AKR1B15: variants seen among roughly 807,000 people sequenced by gnomAD.
AKR1B15 encodes estradiol 17-beta-dehydrogenase AKR1B15.
Under a neutral mutation model 38.5 loss-of-function variants are expected in AKR1B15, and 49 were observed. The ratio of observed to expected loss-of-function variants is 1.27; its 90% CI spans 1.01 to 1.62. The LOEUF is 1.62. Ranked by LOEUF, AKR1B15 falls within the 40% of genes most tolerant of loss-of-function variation. The probability of loss-of-function intolerance (pLI) is 0.00; values close to 1 mark genes in which losing one functional copy is unlikely to be tolerated. For missense variants in AKR1B15, 411 were observed against 381.6 expected (o/e 1.08, Z -0.64); for synonymous variants, 137 against 135.5 (o/e 1.01, Z -0.08).
intron 1 of AKR1B15, among the ~76,000 whole-genome samples, chr7:134,553,778 A>C (rs1794084889): frequency 6.6e-6 from 1 of 152,206 alleles, no homozygotes; most frequent in Non-Finnish European, 1.5e-5. Context: ...AACTGTTAGA[A>C]ACTATGGAAA....
At chr7:134,561,697 A>G (rs1181117018) in intron 2 of AKR1B15, among the ~76,000 whole-genome samples, 2 of 152,320 alleles carry the variant, frequency 1.3e-5, no homozygotes, top group Admixed American at 6.5e-5. Flanking sequence ...TGTAAAAGAC[A>G]GAAAAACCCA....
At chr7:134,566,458 C>T (rs1585803671) in intron 3 of AKR1B15, among the ~76,000 whole-genome samples, 1 of 152,178 alleles carries the variant, frequency 6.6e-6, no homozygotes, top group Non-Finnish European at 1.5e-5. Context: ...GAGCTCCACC[C>T]GGCTGTTTTT....
chr7:134,574,361 G>C (rs1472897280), intron 6 of AKR1B15, among the ~76,000 whole-genome samples: 2 of 151,890 alleles, frequency 1.3e-5, no homozygotes, highest in Non-Finnish European at 2.9e-5. Flanking sequence ...TCTCTCTCTC[G>C]GGGTTTTTGT....
intron 1 of AKR1B15, among the ~76,000 whole-genome samples, chr7:134,554,280 A>T (rs1236313566): frequency 6.6e-6 from 1 of 152,078 alleles, no homozygotes; most frequent in African/African-American, 2.4e-5. Flanking sequence ...CGTGCCTTTA[A>T]CCCTGCTGCC....
chr7:134,568,605 A>G (rs755969524), intron 4 of AKR1B15, among the ~76,000 whole-genome samples: 2 of 152,168 alleles, frequency 1.3e-5, no homozygotes, highest in Non-Finnish European at 2.9e-5. Context: ...CCATCTGCCC[A>G]GAGGCAGTCA....
At chr7:134,575,570 G>C in intron 7 of AKR1B15, 28 bp downstream of exon 7, 3 of 1,612,914 alleles carry the variant, frequency 1.9e-6, no homozygotes, top group Middle Eastern at 1.7e-4. Flanking sequence ...TAAGGGTAAG[G>C]GTCCTGCCCT....
At chr7:134,560,050 G>A (rs1440455563) in intron 2 of AKR1B15, among the ~76,000 whole-genome samples, 1 of 152,012 alleles carries the variant, frequency 6.6e-6, no homozygotes, top group South Asian at 2.1e-4. Context: ...AGAGGTTGTA[G>A]TGAGCTGAGA....
intron 1 of AKR1B15, among the ~76,000 whole-genome samples, chr7:134,553,193 C>T (rs879619398): frequency 7.2e-5 from 11 of 152,120 alleles, no homozygotes; most frequent in Non-Finnish European, 1.3e-4. Flanking sequence ...TCCTGGGCAC[C>T]GTGGGATATG....
At chr7:134,562,434 T>C (rs1388855714) in intron 2 of AKR1B15, among the ~76,000 whole-genome samples, 1 of 150,682 alleles carries the variant, frequency 6.6e-6, no homozygotes, top group Non-Finnish European at 1.5e-5. Context: ...GATTGGTCCA[T>C]TTTACAGAGT....
At chr7:134,562,875 TTTCTTTC>T (rs1794448024) in intron 2 of AKR1B15, among the ~76,000 whole-genome samples, 3 of 132,886 alleles carry the variant, frequency 2.3e-5, no homozygotes, top group Admixed American at 1.4e-4. Context: ...TCTTTCTTTC[TTTCTTTC>T]TTTCTTTCCT....
intron 1 of AKR1B15, among the ~76,000 whole-genome samples, chr7:134,554,915 G>T (rs1794138863): frequency 6.6e-6 from 1 of 152,152 alleles, no homozygotes; most frequent in African/African-American, 2.4e-5. Flanking sequence ...ACTCCATTGT[G>T]CCTATCGACC....
At chr7:134,568,898 T>C (rs1424087874) in intron 4 of AKR1B15, among the ~76,000 whole-genome samples, 1 of 151,966 alleles carries the variant, frequency 6.6e-6, no homozygotes, top group East Asian at 1.9e-4. Context: ...TCTGTGTACT[T>C]GGAAAATGCT....
intron 3 of AKR1B15, among the ~76,000 whole-genome samples, chr7:134,567,535 C>T (rs812471): frequency 6.9e-6 from 1 of 145,286 alleles, no homozygotes; most frequent in South Asian, 2.2e-4. Context: ...ACAAAGGCCT[C>T]TTGTGGCTGG....
intron 1 of AKR1B15, among the ~76,000 whole-genome samples, chr7:134,555,729 A>AG (rs1285984183): frequency 1.3e-5 from 2 of 152,262 alleles, no homozygotes; most frequent in African/African-American, 4.8e-5. Context: ...TCATGAGAGC[A>AG]GGGAACGCTG....
intron 1 of AKR1B15, among the ~76,000 whole-genome samples, chr7:134,552,997 C>T (rs562095810): frequency 1.7e-4 from 26 of 152,260 alleles, no homozygotes; most frequent in South Asian, 6.2e-4. Context: ...CAACATACTA[C>T]GGACCTACTT....
At chr7:134,562,878 CTTTCTTTCTTTCCTTCT>C (rs1562947102) in intron 2 of AKR1B15, among the ~76,000 whole-genome samples, 22 of 135,182 alleles carry the variant, frequency 1.6e-4, no homozygotes, top group African/African-American at 6.1e-4. Context: ...TTCTTTCTTT[CTTTCTTTCTTTCCTTCT>C]TTCTTCCTTC....
chr7:134,565,141 G>A (rs939021614), intron 3 of AKR1B15: 15 of 334,304 alleles, frequency 4.5e-5, no homozygotes, highest in Admixed American at 2.1e-4. Context: ...CTTCCACACC[G>A]TGGAAACTTT....
At chr7:134,562,878 C>CT (rs766843521) in intron 2 of AKR1B15, among the ~76,000 whole-genome samples, 1 of 135,072 alleles carries the variant, frequency 7.4e-6, no homozygotes, top group African/African-American at 2.9e-5. Context: ...TTCTTTCTTT[C>CT]TTTCTTTCTT....
rs1794438576 is a variant in AKR1B15, at chr7:134,562,836, T to TTCTTTC, written c.-22-1760_-22-1755dup. Among the ~76,000 whole-genome samples, 3 of 25,422 alleles carry TTCTTTC rather than the reference T, an allele frequency of 1.2e-4. No homozygotes were observed. In the South Asian group the frequency reaches 2.4e-3, roughly 20 times the overall value. The allele number at this position is 25,422 out of a possible 152,430, so 16.7% of individuals were successfully genotyped here. ...CCTTTCTTCCTTCCTTCCTTTCTCT[T>TTCTTTC]TCTTTCTTTCTTTCTTTCTTTCTTT... On this transcript the variant is annotated intron_variant, in intron 2 of 11. Transcript: ENST00000457545.
Sources: allele counts gnomAD v4.1 joint callset (sites outside exome capture counted in the v4.1 genomes callset), GRCh38; gene constraint gnomAD v4.1.1; transcripts MANE v1.5; gene names NCBI Gene and HGNC (gene_info 2026-07-23, HGNC 2026-07-21).